Variants in CAV1 observed in about 807,000 individuals in gnomAD.
CAV1 encodes the protein caveolin 1.
Under a neutral mutation model 16.5 loss-of-function variants are expected in CAV1, and 10 were observed. The ratio of observed to expected loss-of-function variants is 0.61; its 90% CI spans 0.37 to 1.03. The LOEUF (loss-of-function observed/expected upper bound fraction) is 1.03, where lower values mean the gene tolerates loss of function less well. CAV1 is among the 50% of genes least tolerant of loss of function. The pLI is 0.01. For synonymous variants in CAV1, 76 were observed against 85.1 expected, an observed-to-expected ratio of 0.89 and a Z score of 0.59; for missense variants, 212 against 232.8, an observed-to-expected ratio of 0.91 and a Z score of 0.58.
At position 116,526,641 on chromosome 7, in the gene CAV1, C is replaced by A; in HGVS notation, c.147C>A (p.Ile49=). ...TGTACGACGCGCACACCAAGGAGAT[C>A]GACCTGGTCAACCGCGACCCTAAAC... The part of the protein sequence containing the change: ...KQVYDAHTKE[I]DLVNRDPKHL... Residue 49 remains isoleucine (I), a synonymous_variant, in exon 2 of 3, where the codon ATC becomes ATA. Coordinates refer to ENST00000341049, the MANE Select transcript of CAV1 (RefSeq NM_001753.5). 1 of 1,614,144 alleles carries A rather than the reference C, an allele frequency of 6.2e-7. No homozygotes were observed. Among genetic ancestry groups the A allele is most frequent in the Non-Finnish European group, 8.5e-7 (1 of 1,180,028 alleles).
chr7:116,546,460 C>T (rs535388625), intron 2 of CAV1, among the ~76,000 whole-genome samples: 79 of 151,478 alleles, frequency 5.2e-4, no homozygotes, highest in South Asian at 2.1e-4. Flanking sequence ...GAGCCTGAGG[C>T]GGGTGGATCA....
At position 116,540,636 on chromosome 7, in the gene CAV1, T is replaced by C. The variant is rs368728582; in HGVS notation, c.195+13947T>C. On this transcript the variant is annotated intron_variant, in intron 2 of 2. Transcript: ENST00000341049. ...GAACAAGTTAAGAGGACTCTCAACT[T>C]AAAAATGACACCAATTGCAATGATC... 1.6e-4 allele frequency among the ~76,000 whole-genome samples: 25 copies of C among 152,324 alleles called. 1 individual carries two copies. The East Asian group carries it at 2.5e-3, about 15-fold the overall frequency.
At chr7:116,545,238 G>A (rs1392575744) in intron 2 of CAV1, among the ~76,000 whole-genome samples, 1 of 152,190 alleles carries the variant, frequency 6.6e-6, no homozygotes, top group African/African-American at 2.4e-5. Context: ...CTTGGGTAGA[G>A]AAGCGGGGAT....
At chr7:116,556,798 T>TAC (rs33987651) in intron 2 of CAV1, among the ~76,000 whole-genome samples, 125,319 of 151,932 alleles carry the variant, frequency 0.82, 51,851 homozygotes, top group East Asian at 0.95. Flanking sequence ...AAAATGTGTG[T>TAC]CCATTTCAGG....
Position 116,558,868 on chromosome 7 carries a change from T to G in CAV1, c.196-78T>G. Reference sequence around the variant, plus strand: ...CTCATAAATGCTAATACAGTATATGTCTATGGATACTGAATAGTGGGTTTT... The same window carrying G: ...CTCATAAATGCTAATACAGTATATGGCTATGGATACTGAATAGTGGGTTTT... On this transcript the variant is annotated intron_variant, in intron 2 of 2. Coordinates refer to ENST00000341049, the MANE Select transcript of CAV1 (RefSeq NM_001753.5). 4 of 1,071,022 alleles carry G rather than the reference T, an allele frequency of 3.7e-6. 1 individual carries two copies. In the South Asian group the frequency reaches 5.4e-5, roughly 14 times the overall value. The allele number at this position is 1,071,022 out of a possible 1,614,324, so 66.3% of individuals were successfully genotyped here.
At chr7:116,543,899 CTG>C (rs1793987967) in intron 2 of CAV1, among the ~76,000 whole-genome samples, 1 of 152,154 alleles carries the variant, frequency 6.6e-6, no homozygotes, top group Admixed American at 6.5e-5. Flanking sequence ...GGCAGAAACA[CTG>C]TTACTTAGAG....
At chr7:116,557,823 C>T (rs1450958782) in intron 2 of CAV1, among the ~76,000 whole-genome samples, 1 of 152,072 alleles carries the variant, frequency 6.6e-6, no homozygotes. Flanking sequence ...AGTGTGCATA[C>T]GGTTGTCAAA....
chr7:116,540,219 T>G (rs1299687942), intron 2 of CAV1, among the ~76,000 whole-genome samples: 1 of 152,206 alleles, frequency 6.6e-6, no homozygotes, highest in African/African-American at 2.4e-5. Flanking sequence ...ATCTCAGATC[T>G]CTTTTCAGGA....
chr7:116,555,522 G>GAA lies in CAV1; in HGVS notation c.196-3423_196-3422insAA, dbSNP rs1562838241. Among the ~76,000 whole-genome samples, 47 of 5,340 alleles carry GAA rather than the reference G, an allele frequency of 8.8e-3. 5 individuals are homozygous for GAA. The highest frequency in any genetic ancestry group is 0.039 in the South Asian group (3 of 76). The allele number at this position is 5,340 out of a possible 152,430, so 3.5% of individuals were successfully genotyped here. A position where few individuals can be genotyped will look rare whatever the true frequency, so the allele number is the denominator to read the frequency against. The stretch of plus-strand genomic sequence containing the variant: ...AAAGAAAGAAAGAAAGAAAGAAAGA[G>GAA]AGAGAGAGAGAGAGAGAGAGAGAAA... On this transcript the variant is annotated intron_variant, in intron 2 of 2. Transcript: ENST00000341049.
intron 2 of CAV1, among the ~76,000 whole-genome samples, chr7:116,549,482 G>A (rs758504672): frequency 6.5e-4 from 99 of 152,098 alleles, no homozygotes; most frequent in Admixed American, 1.1e-3. Flanking sequence ...ATTTCATTTT[G>A]AGAATGGTTG....
At chr7:116,532,580 G>A (rs1435196836) in intron 2 of CAV1, among the ~76,000 whole-genome samples, 2 of 152,092 alleles carry the variant, frequency 1.3e-5, no homozygotes, top group Non-Finnish European at 2.9e-5. Context: ...ACCATAATCT[G>A]AGGCCCTAGA....
At chr7:116,532,424 G>A (rs531116033) in intron 2 of CAV1, among the ~76,000 whole-genome samples, 5 of 152,194 alleles carry the variant, frequency 3.3e-5, no homozygotes, top group African/African-American at 7.2e-5. Context: ...GGCTATGTGC[G>A]CTCACCTGCG....
At position 116,555,446 on chromosome 7, in the gene CAV1, A is replaced by AG. The variant is rs1197433872; in HGVS notation, c.196-3499dup. ...AGAGCAAGAACCTGTCTCCAAAAAAAGAAAGGAAGGAAGGAAGGAAGGAAG... is the reference window on the plus strand; with the variant it reads ...AGAGCAAGAACCTGTCTCCAAAAAAAGGAAAGGAAGGAAGGAAGGAAGGAAG... On this transcript the variant is annotated intron_variant, in intron 2 of 2. Transcript: ENST00000341049. Among the ~76,000 whole-genome samples the AG allele has an allele frequency of 1.8e-3, 105 of 57,120 alleles. 1 individual carries two copies. Among genetic ancestry groups the AG allele is most frequent in the Non-Finnish European group, 2.9e-3 (88 of 30,342 alleles). 37.5% of individuals were successfully genotyped at this position (57,120 alleles called of 152,430 possible).
chr7:116,547,415 G>A (rs1179331273), intron 2 of CAV1, among the ~76,000 whole-genome samples: 1 of 152,186 alleles, frequency 6.6e-6, no homozygotes, highest in African/African-American at 2.4e-5. Flanking sequence ...AAGGAAAGGA[G>A]GAATAAGATG....
intron 2 of CAV1, chr7:116,551,898 G>A (rs1794171658): frequency 6.6e-6 from 1 of 152,462 alleles, no homozygotes; most frequent in African/African-American, 2.4e-5. Flanking sequence ...GTGTCTCAGT[G>A]GTTTTAGCCA....
intron 2 of CAV1, among the ~76,000 whole-genome samples, chr7:116,530,322 A>T (rs908496035): frequency 4.2e-4 from 63 of 149,772 alleles, no homozygotes; most frequent in African/African-American, 1.5e-3. Flanking sequence ...TCCCCCTTTT[A>T]ACTGACATAC....
chr7:116,533,748 CTATCTT>C (rs1168488712), intron 2 of CAV1, among the ~76,000 whole-genome samples: 2 of 152,202 alleles, frequency 1.3e-5, no homozygotes, highest in Non-Finnish European at 2.9e-5. Flanking sequence ...TTAAAATCTT[CTATCTT>C]TATATCTTTA....
chr7:116,556,030 C>T (rs1195762992), intron 2 of CAV1, among the ~76,000 whole-genome samples: 6 of 152,178 alleles, frequency 3.9e-5, no homozygotes, highest in African/African-American at 4.8e-5. Context: ...TTGCTTTCCA[C>T]CCCTGGAGAC....
chr7:116,528,852 C>A (rs752082284), intron 2 of CAV1, among the ~76,000 whole-genome samples: 1 of 151,586 alleles, frequency 6.6e-6, no homozygotes, highest in Non-Finnish European at 1.5e-5. Flanking sequence ...TTTTTTGAGA[C>A]GGAGTCTCAC....
Sources: gnomAD v4.1 joint callset for allele counts (sites outside exome capture counted in the v4.1 genomes callset) on GRCh38, gnomAD v4.1.1 for gene constraint, MANE v1.5 for transcripts, NCBI Gene and HGNC (gene_info 2026-07-23, HGNC 2026-07-21) for gene names.